The following CARF variants were observed in gnomAD, a reference collection of about 807,000 sequenced individuals.
CARF encodes calcium-responsive transcription factor.
A neutral mutation model predicts 82.0 loss-of-function variants in CARF; 57 were observed. The ratio of observed to expected loss-of-function variants is 0.70; its 90% CI spans 0.56 to 0.87. The LOEUF is 0.87. Among genes scored for constraint, CARF ranks in the 40% least tolerant of loss-of-function variants. The probability of loss-of-function intolerance (pLI) is 0.00; values close to 1 mark genes in which losing one functional copy is unlikely to be tolerated. For missense variants in CARF, 771 were observed against 855.8 expected, an observed-to-expected ratio of 0.90 and a Z score of 1.24; for synonymous variants, 268 against 290.1, an observed-to-expected ratio of 0.92 and a Z score of 0.77.
At chr2:202,957,372 C>G (rs1046815280) in intron 8 of CARF, among the ~76,000 whole-genome samples, 1 of 152,162 alleles carries the variant, frequency 6.6e-6, no homozygotes, top group Non-Finnish European at 1.5e-5. Context: ...TGGTATCATC[C>G]TACGTTGTCC....
Position 202,983,453 on chromosome 2 carries a change from TC to T in CARF, c.2060-51del, listed in dbSNP as rs1316716748. 7 of 1,119,190 alleles carry T rather than the reference TC, an allele frequency of 6.3e-6. No homozygotes were observed. The Admixed American group carries it at 8.7e-5, about 14-fold the overall frequency. The allele number at this position is 1,119,190 out of a possible 1,614,324, so 69.3% of individuals were successfully genotyped here. On this transcript the variant is annotated intron_variant, in intron 16 of 16. Coordinates refer to ENST00000438828, the MANE Select transcript of CARF (RefSeq NM_024744.17). ...AATATAAAATATTTTTCCCCTCTCT[TC>T]CAGTGTCATGAAATAGATTAACTTT...
In CARF at chr2:202,986,923, AGT is replaced by A. The variant is rs1214515708; in HGVS notation, c.*3302_*3303del. The A allele has an allele frequency of 1.5e-3, 98 of 65,792 alleles. No homozygotes were observed. The highest frequency in any genetic ancestry group is 3.7e-3 in the African/African-American group (94 of 25,596). The allele number at this position is 65,792 out of a possible 1,614,324, so 4.1% of individuals were successfully genotyped here. A position where few individuals can be genotyped will look rare whatever the true frequency, so the allele number is the denominator to read the frequency against. ...ATATATATATAGCAACTTGATGTAT[AGT>A]GTCCTTGTTACCATGTATTTTTTTC... On this transcript the variant is annotated 3_prime_UTR_variant, in exon 17 of 17. Coordinates refer to ENST00000438828, the MANE Select transcript of CARF (RefSeq NM_024744.17).
intron 3 of CARF, among the ~76,000 whole-genome samples, chr2:202,927,490 A>G (rs1164434548): frequency 6.6e-6 from 1 of 152,132 alleles, no homozygotes; most frequent in Non-Finnish European, 1.5e-5. Flanking sequence ...AATATTTAAA[A>G]TCTATTCTTG....
Position 202,977,259 on chromosome 2 carries a change from C to T in CARF, c.1495-10C>T, listed in dbSNP as rs1244838131. 1.3e-6 allele frequency: 2 copies of T among 1,590,424 alleles called. No individual in the cohort carries two copies. Among genetic ancestry groups the T allele is most frequent in the Non-Finnish European group, 8.6e-7 (1 of 1,164,664 alleles). On this transcript the variant is annotated splice_polypyrimidine_tract_variant and intron_variant, in intron 13 of 16. Coordinates refer to ENST00000438828, the MANE Select transcript of CARF (RefSeq NM_024744.17). ...CTTTATTTTTACTGAAATAAATGTT[C>T]CCATTTCAGCTTCAATGGACTACAG...
At chr2:202,914,709 G>T (rs1299663211) in intron 1 of CARF, among the ~76,000 whole-genome samples, 2 of 150,466 alleles carry the variant, frequency 1.3e-5, no homozygotes, top group East Asian at 3.9e-4. Context: ...AACCTGGAAG[G>T]TGGAGTTTGC....
At chr2:202,940,969 GTATC>G (rs1341104006) in intron 3 of CARF, among the ~76,000 whole-genome samples, 1 of 151,756 alleles carries the variant, frequency 6.6e-6, no homozygotes, top group African/African-American at 2.4e-5. Context: ...TTTTTTTACA[GTATC>G]TATTTGCCAT....
At chr2:202,940,567 G>A (rs1337447449) in intron 3 of CARF, among the ~76,000 whole-genome samples, 1 of 152,088 alleles carries the variant, frequency 6.6e-6, no homozygotes, top group Non-Finnish European at 1.5e-5. Context: ...GGATACTGGA[G>A]TCTTAATTGG....
At chr2:202,968,724 T>A (rs1446587552) in intron 10 of CARF, among the ~76,000 whole-genome samples, 1 of 152,020 alleles carries the variant, frequency 6.6e-6, no homozygotes, top group Non-Finnish European at 1.5e-5. Flanking sequence ...TTGGGTGCCA[T>A]AGGAAGGAGG....
chr2:202,920,578 G>A (rs1574468896), intron 2 of CARF, among the ~76,000 whole-genome samples: 2 of 151,912 alleles, frequency 1.3e-5, no homozygotes, highest in African/African-American at 2.4e-5. Context: ...TGAATATTCA[G>A]ATTACTTTAA....
At chr2:202,974,994 A>G (rs1038293224) in intron 13 of CARF, among the ~76,000 whole-genome samples, 2 of 152,082 alleles carry the variant, frequency 1.3e-5, no homozygotes, top group African/African-American at 4.8e-5. Flanking sequence ...CAAGAAGAAA[A>G]ATCAGTGAAT....
intron 3 of CARF, chr2:202,925,710 A>G (rs962392857): frequency 6.6e-5 from 12 of 180,618 alleles, no homozygotes; most frequent in East Asian, 1.8e-4. Context: ...GCCAAGCTGG[A>G]AGCCATCCTC....
Position 202,971,680 on chromosome 2 carries a change from A to G in CARF, c.1273A>G (p.Ile425Val), listed in dbSNP as rs774284766. 2.5e-6 allele frequency: 4 copies of G among 1,613,604 alleles called. No homozygotes were observed. In the Admixed American group the frequency reaches 6.7e-5, roughly 27 times the overall value. The change falls in exon 12 of 17, where the codon ATT becomes GTT. Residue 425 changes from isoleucine (I) to valine (V), a missense_variant. Ile to Val is a conservative substitution (Grantham distance 29). Transcript: ENST00000438828. The stretch of plus-strand genomic sequence containing the variant: ...TTTACATCCTCAAGTAGCACATAAG[A>G]TTCAAGAATTAGTATCACAGGGAAT... Reference protein sequence around the residue: ...SRLHPQVAHKIQELVSQGIEQ... With the variant: ...SRLHPQVAHKVQELVSQGIEQ...
At chr2:202,947,287 T>C (rs1232975353) in intron 5 of CARF, among the ~76,000 whole-genome samples, 1 of 152,194 alleles carries the variant, frequency 6.6e-6, no homozygotes, top group African/African-American at 2.4e-5. Context: ...CATGGAACAC[T>C]ATGTAGCCAT....
rs2060446431 is a variant in CARF at position 202,986,874 on chromosome 2, A to ATG, written c.*3251_*3252insGT. On this transcript the variant is annotated 3_prime_UTR_variant, in exon 17 of 17. Transcript: ENST00000438828. Reference sequence around the variant, plus strand: ...GTTTAAAAAATGTCTGTGCGTATATATATATATATATATATATATATATAT... The same window carrying ATG: ...GTTTAAAAAATGTCTGTGCGTATATATGTATATATATATATATATATATATAT... 1.3e-5 allele frequency: 1 copy of ATG among 74,692 alleles called. No individual in the cohort carries two copies. Among genetic ancestry groups the ATG allele is most frequent in the South Asian group, 4.4e-4 (1 of 2,272 alleles). 4.6% of individuals were successfully genotyped at this position (74,692 alleles called of 1,614,324 possible). A position where few individuals can be genotyped will look rare whatever the true frequency, so the allele number is the denominator to read the frequency against.
intron 2 of CARF, among the ~76,000 whole-genome samples, chr2:202,920,367 T>G (rs112105422): frequency 3.3e-4 from 50 of 152,132 alleles, no homozygotes; most frequent in African/African-American, 1.1e-3. Context: ...ATGTTAGCCA[T>G]GATGGTCTTG....
intron 14 of CARF, among the ~76,000 whole-genome samples, chr2:202,980,436 A>G (rs1278293891): frequency 6.6e-6 from 1 of 151,306 alleles, no homozygotes; most frequent in Non-Finnish European, 1.5e-5. Flanking sequence ...TAATGCTGTT[A>G]TCATTAAAGA....
At chr2:202,918,470 G>A (rs1690156418) in intron 2 of CARF, among the ~76,000 whole-genome samples, 2 of 152,122 alleles carry the variant, frequency 1.3e-5, no homozygotes, top group Middle Eastern at 3.4e-3. Context: ...GCAGTGAGCC[G>A]AGAGCTTGCA....
At chr2:202,920,233 C>T (rs1032368469) in intron 2 of CARF, among the ~76,000 whole-genome samples, 6 of 151,654 alleles carry the variant, frequency 4.0e-5, no homozygotes, top group Non-Finnish European at 8.8e-5. Context: ...CAGCTCACTG[C>T]AAGCTCCGCC....
At chr2:202,944,385 TTAA>T (rs770864717) in intron 5 of CARF, among the ~76,000 whole-genome samples, 21 of 152,174 alleles carry the variant, frequency 1.4e-4, no homozygotes, top group Non-Finnish European at 2.5e-4. Flanking sequence ...CATAATAAAA[TTAA>T]TAATTTTAAA....
Sources: allele counts gnomAD v4.1 joint callset (sites outside exome capture counted in the v4.1 genomes callset), GRCh38; gene constraint gnomAD v4.1.1; transcripts MANE v1.5; gene names NCBI Gene and HGNC (gene_info 2026-07-23, HGNC 2026-07-21).